ELK3: variants seen among roughly 807,000 people sequenced by gnomAD.
The protein encoded by ELK3 is ETS transcription factor ELK3.
In ELK3, 10 loss-of-function variants were observed where a neutral mutation model predicts 28.9. That is an observed-to-expected ratio of 0.35 (90% CI 0.21 to 0.59). The LOEUF (loss-of-function observed/expected upper bound fraction) is 0.59, where lower values mean the gene tolerates loss of function less well. Among genes scored for constraint, ELK3 ranks in the 20% least tolerant of loss-of-function variants. The pLI is 0.82. For synonymous variants in ELK3, 272 were observed against 243.5 expected (o/e 1.12, Z -1.09); for missense variants, 463 against 517.3 (o/e 0.90, Z 1.02).
At chr12:96,251,767 C>T (rs1260407556) in intron 3 of ELK3, among the ~76,000 whole-genome samples, 3 of 152,064 alleles carry the variant, frequency 2.0e-5, no homozygotes, top group Non-Finnish European at 2.9e-5. Context: ...CTGAGAGAGG[C>T]GAAGAAGCTG....
chr12:96,224,588 T>C (rs993329944), intron 2 of ELK3, among the ~76,000 whole-genome samples: 3 of 152,314 alleles, frequency 2.0e-5, no homozygotes, highest in South Asian at 2.1e-4. Context: ...AGTGATAATA[T>C]AGCGTAGTTG....
intron 1 of ELK3, among the ~76,000 whole-genome samples, chr12:96,209,766 A>C (rs538417865): frequency 4.6e-5 from 7 of 152,364 alleles, no homozygotes; most frequent in African/African-American, 1.4e-4. Flanking sequence ...ACTGATCAAA[A>C]GGATTACATA....
At chr12:96,213,921 C>CTCA (rs111499461) in intron 1 of ELK3, 149,347 of 152,020 alleles carry the variant, frequency 0.98, 73,373 homozygotes, top group Middle Eastern at 1. Context: ...GGATGGGGGT[C>CTCA]TCGTGTTGCC....
intron 1 of ELK3, among the ~76,000 whole-genome samples, chr12:96,203,889 C>T (rs991662251): frequency 2.0e-5 from 3 of 152,112 alleles, no homozygotes; most frequent in African/African-American, 4.8e-5. Context: ...TTCAGTGAGC[C>T]GAGATTGTGC....
intron 2 of ELK3, among the ~76,000 whole-genome samples, chr12:96,227,959 A>G (rs752828345): frequency 1.3e-5 from 2 of 152,206 alleles, no homozygotes; most frequent in Non-Finnish European, 2.9e-5. Context: ...AGTCAGAATA[A>G]TAATACAGAT....
At chr12:96,239,823 G>C (rs1041172890) in intron 2 of ELK3, among the ~76,000 whole-genome samples, 8 of 152,234 alleles carry the variant, frequency 5.3e-5, no homozygotes, top group Admixed American at 4.6e-4. Flanking sequence ...GGGCAGCATG[G>C]TTTCTGCTCT....
chr12:96,226,232 G>C (rs77601016), intron 2 of ELK3, among the ~76,000 whole-genome samples: 2,762 of 152,280 alleles, frequency 0.018, 47 homozygotes, highest in Non-Finnish European at 0.028. Context: ...CCAGGTGGCT[G>C]GTGTGGCCTG....
At chr12:96,213,158 A>G (rs1369497518) in intron 1 of ELK3, among the ~76,000 whole-genome samples, 3 of 152,236 alleles carry the variant, frequency 2.0e-5, no homozygotes, top group Non-Finnish European at 4.4e-5. Flanking sequence ...TTTAAAACAT[A>G]TATAAGCCTT....
intron 1 of ELK3, among the ~76,000 whole-genome samples, chr12:96,208,647 AG>A (rs987010873): frequency 6.6e-6 from 1 of 152,190 alleles, no homozygotes; most frequent in Non-Finnish European, 1.5e-5. Context: ...CAGTAAATGA[AG>A]TGCAACCAGA....
intron 1 of ELK3, among the ~76,000 whole-genome samples, chr12:96,223,142 G>T (rs905454783): frequency 3.3e-5 from 5 of 152,138 alleles, no homozygotes; most frequent in African/African-American, 4.8e-5. Context: ...ATGAGATTTG[G>T]GCGGGGCACA....
intron 1 of ELK3, among the ~76,000 whole-genome samples, chr12:96,200,735 G>A (rs568221604): frequency 7.9e-5 from 12 of 152,120 alleles, no homozygotes; most frequent in Admixed American, 2.0e-4. Flanking sequence ...CAAGCTTGGC[G>A]CACTGCAACC....
intron 2 of ELK3, among the ~76,000 whole-genome samples, chr12:96,235,172 C>G (rs1364039573): frequency 1.3e-5 from 2 of 151,990 alleles, no homozygotes; most frequent in Non-Finnish European, 1.5e-5. Flanking sequence ...CCATCTCACC[C>G]CAACCCAACT....
chr12:96,266,256 T>C (rs1952028715), intron 4 of ELK3, among the ~76,000 whole-genome samples: 1 of 152,242 alleles, frequency 6.6e-6, no homozygotes, highest in Non-Finnish European at 1.5e-5. Context: ...TATTTGGCGC[T>C]GAAGTTTAAC....
intron 4 of ELK3, 148 bp downstream of exon 4, chr12:96,260,001 C>T: frequency 9.2e-7 from 1 of 1,091,578 alleles, no homozygotes. Flanking sequence ...GGGTTGCACG[C>T]CCTTCAGAGG....
At chr12:96,226,964 C>T (rs1156744644) in intron 2 of ELK3, among the ~76,000 whole-genome samples, 1 of 152,216 alleles carries the variant, frequency 6.6e-6, no homozygotes, top group African/African-American at 2.4e-5. Context: ...TGACCTCTTT[C>T]TTCCTTCCGT....
intron 2 of ELK3, among the ~76,000 whole-genome samples, chr12:96,244,400 G>A (rs1951842235): frequency 1.3e-5 from 2 of 150,232 alleles, no homozygotes; most frequent in South Asian, 4.2e-4. Flanking sequence ...GTTCATGAAT[G>A]TAATCCCAAC....
rs78104515 is a variant in ELK3 at position 96,246,835 on chromosome 12, A to G, written c.208-105A>G. 688 of 1,192,630 alleles carry G rather than the reference A, an allele frequency of 5.8e-4. 9 individuals carry two copies. In the East Asian group the frequency reaches 0.015, roughly 27 times the overall value. The allele number at this position is 1,192,630 out of a possible 1,614,324, so 73.9% of individuals were successfully genotyped here. On this transcript the variant is annotated intron_variant, in intron 2 of 4. Coordinates refer to ENST00000228741, the MANE Select transcript of ELK3 (RefSeq NM_005230.4). ...TTTTCCTTAGCCAAGAATGTAAATCAGGAACATTTTGGTGCTTCTGCCAGC... is the reference window on the plus strand; with the variant it reads ...TTTTCCTTAGCCAAGAATGTAAATCGGGAACATTTTGGTGCTTCTGCCAGC...
At chr12:96,252,512 T>C (rs768693007) in intron 3 of ELK3, among the ~76,000 whole-genome samples, 8 of 151,998 alleles carry the variant, frequency 5.3e-5, no homozygotes, top group Non-Finnish European at 8.8e-5. Context: ...TCATGATTCA[T>C]GGGAGGAGGT....
At chr12:96,215,732 C>G (rs1256885435) in intron 1 of ELK3, among the ~76,000 whole-genome samples, 1 of 150,238 alleles carries the variant, frequency 6.7e-6, no homozygotes, top group East Asian at 2.0e-4. Flanking sequence ...ACTTCCCAGG[C>G]TTAGGCGATC....
Sources: allele counts gnomAD v4.1 joint callset (sites outside exome capture counted in the v4.1 genomes callset), GRCh38; gene constraint gnomAD v4.1.1; transcripts MANE v1.5; gene names NCBI Gene and HGNC (gene_info 2026-07-23, HGNC 2026-07-21).